Variants in KCNAB1 observed in about 807,000 individuals in gnomAD.
KCNAB1 encodes the protein potassium voltage-gated channel subfamily A regulatory beta subunit 1, also known as voltage-gated potassium channel subunit beta-1.
In KCNAB1, 35 loss-of-function variants were observed where a neutral mutation model predicts 64.6. That is an observed-to-expected ratio of 0.54 (90% CI 0.41 to 0.72). The LOEUF is 0.72. KCNAB1 is among the 30% of genes least tolerant of loss of function. The pLI is 0.00. For missense variants in KCNAB1, 401 were observed against 512.9 expected (o/e 0.78, Z 2.11); for synonymous variants, 177 against 183.8 (o/e 0.96, Z 0.30).
intron 1 of KCNAB1, among the ~76,000 whole-genome samples, chr3:156,409,583 A>T (rs1714494300): frequency 6.6e-6 from 1 of 152,082 alleles, no homozygotes; most frequent in Non-Finnish European, 1.5e-5. Context: ...TCATGTGTTT[A>T]TGGGAAGGAG....
At chr3:156,524,429 A>G (rs770735134) in intron 12 of KCNAB1, among the ~76,000 whole-genome samples, 2 of 152,190 alleles carry the variant, frequency 1.3e-5, no homozygotes, top group Admixed American at 1.3e-4. Flanking sequence ...AGTCCATGAA[A>G]GGTCATGATT....
intron 1 of KCNAB1, among the ~76,000 whole-genome samples, chr3:156,147,981 A>C (rs1715152702): frequency 6.8e-6 from 1 of 147,412 alleles, no homozygotes; most frequent in African/African-American, 2.5e-5. Context: ...GCACACACAA[A>C]CACACACCGC....
intron 1 of KCNAB1, among the ~76,000 whole-genome samples, chr3:156,145,865 G>T (rs141534668): frequency 6.6e-6 from 1 of 151,870 alleles, no homozygotes; most frequent in East Asian, 1.9e-4. Context: ...AAACCCTTTA[G>T]GTGAAACATA....
At chr3:156,380,587 T>G (rs563419052) in intron 1 of KCNAB1, among the ~76,000 whole-genome samples, 1 of 152,300 alleles carries the variant, frequency 6.6e-6, no homozygotes, top group South Asian at 2.1e-4. Context: ...TGTGCAAATA[T>G]TTGCAGCAGG....
intron 8 of KCNAB1, among the ~76,000 whole-genome samples, chr3:156,493,888 G>T (rs1157978613): frequency 6.6e-6 from 1 of 152,032 alleles, no homozygotes; most frequent in East Asian, 1.9e-4. Flanking sequence ...CATGCTAGAG[G>T]GTGCAGAATG....
At chr3:156,296,476 C>CTTT (rs776717744) in intron 1 of KCNAB1, among the ~76,000 whole-genome samples, 4 of 111,076 alleles carry the variant, frequency 3.6e-5, no homozygotes, top group East Asian at 2.8e-4. Context: ...CCCCCCCCAC[C>CTTT]TTTTTTTTTT....
rs200997188 is a variant in KCNAB1 at position 156,476,549 on chromosome 3, A to G, written c.658+1729A>G. ...CACACACACACACACACACACACGC[A>G]CACACACACACATATACACACACAC... On this transcript the variant is annotated intron_variant, in intron 8 of 13. Coordinates refer to ENST00000490337, the MANE Select transcript of KCNAB1 (RefSeq NM_172160.3). Among the ~76,000 whole-genome samples the G allele has an allele frequency of 4.0e-3, 564 of 140,786 alleles. 1 individual carries two copies. Among genetic ancestry groups the G allele is most frequent in the South Asian group, 8.2e-3 (33 of 4,042 alleles). The allele number at this position is 140,786 out of a possible 152,430, so 92.4% of individuals were successfully genotyped here.
At chr3:156,379,246 C>G (rs1346442127) in intron 1 of KCNAB1, among the ~76,000 whole-genome samples, 3 of 152,204 alleles carry the variant, frequency 2.0e-5, no homozygotes, top group Non-Finnish European at 4.4e-5. Flanking sequence ...TCTGCAAGCT[C>G]TGTTCCAGGT....
At chr3:156,213,995 T>A (rs1182200683) in intron 1 of KCNAB1, among the ~76,000 whole-genome samples, 1 of 152,074 alleles carries the variant, frequency 6.6e-6, no homozygotes, top group East Asian at 1.9e-4. Flanking sequence ...TGATGAAGCC[T>A]CCTTAAAAAT....
intron 1 of KCNAB1, among the ~76,000 whole-genome samples, chr3:156,402,995 T>C (rs1160890938): frequency 6.6e-6 from 1 of 152,226 alleles, no homozygotes; most frequent in Non-Finnish European, 1.5e-5. Flanking sequence ...CCTGACCCTA[T>C]GCCGAGCTCT....
chr3:156,343,951 A>G (rs1302576888), intron 1 of KCNAB1, among the ~76,000 whole-genome samples: 4 of 152,122 alleles, frequency 2.6e-5, no homozygotes, highest in African/African-American at 9.7e-5. Flanking sequence ...ATCCTGGCTA[A>G]TTTATTATGT....
chr3:156,370,163 A>G lies in KCNAB1; in HGVS notation c.276-51453A>G, dbSNP rs538390682. On this transcript the variant is annotated intron_variant, in intron 1 of 13. Coordinates refer to ENST00000490337, the MANE Select transcript of KCNAB1 (RefSeq NM_172160.3). Reference sequence around the variant, plus strand: ...TACAGCTACATTTTGACACTAGGATAAGAGAGGAGTTGAGCTTCAACTGGA... The same window carrying G: ...TACAGCTACATTTTGACACTAGGATGAGAGAGGAGTTGAGCTTCAACTGGA... Among the ~76,000 whole-genome samples the G allele has an allele frequency of 1.2e-4, 19 of 152,326 alleles. 1 individual carries two copies. Among genetic ancestry groups the G allele is most frequent in the Admixed American group, 1.2e-3 (18 of 15,300 alleles).
intron 1 of KCNAB1, among the ~76,000 whole-genome samples, chr3:156,157,064 A>C (rs1715768382): frequency 1.3e-5 from 2 of 152,156 alleles, no homozygotes; most frequent in South Asian, 4.1e-4. Context: ...AAAAGAGAGA[A>C]AGATCAAGTA....
chr3:156,273,363 G>A (rs1027153801), intron 1 of KCNAB1, among the ~76,000 whole-genome samples: 1 of 152,150 alleles, frequency 6.6e-6, no homozygotes, highest in South Asian at 2.1e-4. Context: ...TTACCCCCTG[G>A]CAGTGAGGCT....
intron 1 of KCNAB1, among the ~76,000 whole-genome samples, chr3:156,233,621 G>A (rs1225402643): frequency 6.6e-6 from 1 of 152,154 alleles, no homozygotes; most frequent in Non-Finnish European, 1.5e-5. Context: ...TTTGGATGAG[G>A]ACCAGCAAGG....
At chr3:156,517,433 A>T (rs1413528468) in intron 11 of KCNAB1, among the ~76,000 whole-genome samples, 2 of 152,262 alleles carry the variant, frequency 1.3e-5, no homozygotes, top group Non-Finnish European at 2.9e-5. Flanking sequence ...TTATTACAAA[A>T]AACAATTTTC....
intron 1 of KCNAB1, among the ~76,000 whole-genome samples, chr3:156,394,006 G>A (rs943650634): frequency 3.9e-5 from 6 of 152,186 alleles, no homozygotes; most frequent in Admixed American, 6.5e-5. Flanking sequence ...GACCTGTGTT[G>A]GGGACCTGAC....
intron 2 of KCNAB1, among the ~76,000 whole-genome samples, chr3:156,441,925 C>T (rs576846814): frequency 2.6e-5 from 4 of 152,138 alleles, no homozygotes; most frequent in Non-Finnish European, 5.9e-5. Flanking sequence ...GAAACTCTTG[C>T]TCATGAATGG....
At chr3:156,474,266 G>A (rs1714173586) in intron 7 of KCNAB1, among the ~76,000 whole-genome samples, 1 of 151,998 alleles carries the variant, frequency 6.6e-6, no homozygotes, top group South Asian at 2.1e-4. Flanking sequence ...ATGGGGTTGG[G>A]GCAGTCATTT....
Sources: gnomAD v4.1 joint callset for allele counts (sites outside exome capture counted in the v4.1 genomes callset) on GRCh38, gnomAD v4.1.1 for gene constraint, MANE v1.5 for transcripts, NCBI Gene and HGNC (gene_info 2026-07-23, HGNC 2026-07-21) for gene names.